Variants in TCEA2 observed in about 807,000 individuals in gnomAD.
TCEA2 encodes the protein transcription elongation factor A protein 2.
In TCEA2, 21 loss-of-function variants were observed where a neutral mutation model predicts 40.8. That is an observed-to-expected ratio of 0.51 (90% CI 0.36 to 0.74). TCEA2 has a LOEUF of 0.74. Ranked by LOEUF, TCEA2 falls within the 30% of genes least tolerant of loss-of-function variation. The pLI, the probability that TCEA2 is intolerant of heterozygous loss-of-function variation, is 0.00. For synonymous variants in TCEA2, 165 were observed against 162.7 expected (o/e 1.01, Z -0.11); for missense variants, 326 against 426.5 (o/e 0.76, Z 2.08).
exon 1 of TCEA2, chr20:64,057,456 G>A: frequency 6.6e-6 from 1 of 152,336 alleles, no homozygotes; most frequent in East Asian, 1.9e-4. Context: ...ATGTGTGCCT[G>A]CGCACAGGGG....
At position 64,067,896 on chromosome 20, in the gene TCEA2, C is replaced by T. The variant is rs1215555840; in HGVS notation, c.242-151C>T. On this transcript the variant is annotated intron_variant, in intron 3 of 9. Coordinates refer to ENST00000343484, the MANE Select transcript of TCEA2 (RefSeq NM_003195.6). The stretch of plus-strand genomic sequence containing the variant: ...CACAGAGGCTGGGCAGCCTCCTGGC[C>T]CCTGGCTCCCCTGGCTGGGTGAGGG... 1.0e-5 allele frequency: 6 copies of T among 594,672 alleles called. No homozygotes were observed. The Admixed American group carries it at 1.0e-4, about 10-fold the overall frequency. The allele number at this position is 594,672 out of a possible 1,614,324, so 36.8% of individuals were successfully genotyped here. A position where few individuals can be genotyped will look rare whatever the true frequency, so the allele number is the denominator to read the frequency against.
At chr20:64,070,041 GGGGCTGTA>G in intron 6 of TCEA2, 1 of 880,656 alleles carries the variant, frequency 1.1e-6, no homozygotes, top group Non-Finnish European at 1.8e-6. Flanking sequence ...TAGGTCCCCT[GGGGCTGTA>G]GCCTGAAGCT....
At chr20:64,056,592 G>A (rs936945295), upstream of TCEA2, among the ~76,000 whole-genome samples, 1 of 152,152 alleles carries the variant, frequency 6.6e-6, no homozygotes, top group African/African-American at 2.4e-5. Flanking sequence ...AGGAAGCAAG[G>A]GGGGCTCCGT....
chr20:64,070,173 C>T, intron 6 of TCEA2, 87 bp from the exon 7 acceptor site: 1 of 1,570,252 alleles, frequency 6.4e-7, no homozygotes, highest in African/African-American at 1.3e-5. Flanking sequence ...CCTTTCCAGC[C>T]CCCACCCCAA....
At chr20:64,068,706 A>T (rs1292866137) in intron 4 of TCEA2, among the ~76,000 whole-genome samples, 1 of 152,266 alleles carries the variant, frequency 6.6e-6, no homozygotes, top group African/African-American at 2.4e-5. Context: ...CCAGGAGCTC[A>T]GGGACACCTT....
At chr20:64,068,563 G>T (rs977677750) in intron 4 of TCEA2, among the ~76,000 whole-genome samples, 1 of 152,240 alleles carries the variant, frequency 6.6e-6, no homozygotes, top group African/African-American at 2.4e-5. Flanking sequence ...GCATGTGCAC[G>T]TGTGGTCACT....
At position 64,072,192 on chromosome 20, in the gene TCEA2, G is replaced by C. The variant is rs367878900; in HGVS notation, c.*12G>C. The stretch of plus-strand genomic sequence containing the variant: ...CGCAGTTCTGCTGACCCCTCGTGTA[G>C]ATGTGCTGCAGCCTTGGGCCCTCCC... On this transcript the variant is annotated 3_prime_UTR_variant, in exon 10 of 10. Transcript: ENST00000343484. The C allele has an allele frequency of 1.2e-6, 2 of 1,613,240 alleles. No homozygotes were observed. The highest frequency in any genetic ancestry group is 1.7e-6 in the Non-Finnish European group (2 of 1,179,584).
Position 64,058,175 on chromosome 20 carries a change from A to G in TCEA2, c.-84+524A>G, listed in dbSNP as rs957130740. On this transcript the variant is annotated intron_variant, in intron 1 of 10. Coordinates refer to the TCEA2 transcript ENST00000361317. The surrounding 1 kb of genome is among the most constrained non-coding windows in gnomAD (Gnocchi z 6.7). ...TCAGAGGCACCCGACCTCTTCTGCT[A>G]ACCCCCTTCCCTGCCTGTCCCGTCC... Among the ~76,000 whole-genome samples, 1 of 152,118 alleles carries G rather than the reference A, an allele frequency of 6.6e-6. No homozygotes were observed. Among genetic ancestry groups the G allele is most frequent in the Admixed American group, 6.5e-5 (1 of 15,270 alleles).
At chr20:64,059,331 GC>G (rs1479154806), upstream of TCEA2, among the ~76,000 whole-genome samples, 2 of 151,660 alleles carry the variant, frequency 1.3e-5, no homozygotes, top group Admixed American at 6.6e-5. Context: ...TTGCCCGACC[GC>G]CCCCCACCAG....
chr20:64,066,001 G>A lies in TCEA2; in HGVS notation c.73-475G>A, dbSNP rs190937151. On this transcript the variant is annotated intron_variant, in intron 1 of 9. Transcript: ENST00000343484. The stretch of plus-strand genomic sequence containing the variant: ...CCTTCACAGCTGGTGGGCGGGGGGT[G>A]CTTTGGGGAGAGGCTGCCCTGCGCA... 1.1e-4 allele frequency: 12 copies of A among 113,466 alleles called. No homozygotes were observed. The East Asian group carries it at 2.9e-3, about 27-fold the overall frequency. The allele number at this position is 113,466 out of a possible 1,614,324, so 7.0% of individuals were successfully genotyped here.
chr20:64,063,183 G>C (rs919472251), upstream of TCEA2: 42 of 791,222 alleles, frequency 5.3e-5, no homozygotes, highest in Non-Finnish European at 5.7e-5. Flanking sequence ...GGTTTGAACC[G>C]GGGGTCTGTC....
In TCEA2 at chr20:64,069,838, G is replaced by A; in HGVS notation, c.517+17G>A. ...TCGAGGAATATATCCTTTGGGTAGG[G>A]GCTGTGGGCCTGGGTTTCTGGTGGA... On this transcript the variant is annotated intron_variant, in intron 6 of 9. Coordinates refer to ENST00000343484, the MANE Select transcript of TCEA2 (RefSeq NM_003195.6). 2 of 1,612,328 alleles carry A rather than the reference G, an allele frequency of 1.2e-6. No homozygotes were observed. Among genetic ancestry groups the A allele is most frequent in the Non-Finnish European group, 1.7e-6 (2 of 1,179,980 alleles).
At chr20:64,066,335 A>G (rs534483364) in intron 1 of TCEA2, 141 bp from the exon 2 acceptor site, 7 of 940,882 alleles carry the variant, frequency 7.4e-6, no homozygotes, top group Non-Finnish European at 1.0e-5. Context: ...GTCTCCAGGT[A>G]GAGGAATTTT....
chr20:64,066,551 C>T lies in TCEA2; in HGVS notation c.135+13C>T. The T allele has an allele frequency of 6.2e-7, 1 of 1,612,864 alleles. No individual in the cohort carries two copies. The highest frequency in any genetic ancestry group is 8.5e-7 in the Non-Finnish European group (1 of 1,179,328). On this transcript the variant is annotated intron_variant, in intron 2 of 9. Transcript: ENST00000343484. Reference sequence around the variant, plus strand: ...GCACCTGCTCCAGGTAGGTCCCTGCCTGCCCCAGGTCCAGGACAGCTCCTG... The same window carrying T: ...GCACCTGCTCCAGGTAGGTCCCTGCTTGCCCCAGGTCCAGGACAGCTCCTG...
chr20:64,071,772 A>T (rs1227679406), intron 8 of TCEA2, 98 bp from the exon 9 acceptor site: 64 of 1,422,406 alleles, frequency 4.5e-5, no homozygotes, highest in Non-Finnish European at 6.0e-5. Context: ...CACCTGTGGG[A>T]GCTCAGTGGC....
At chr20:64,069,916 C>T (rs1475878909) in intron 6 of TCEA2, 95 bp downstream of exon 6, 1 of 1,461,084 alleles carries the variant, frequency 6.8e-7, no homozygotes, top group African/African-American at 1.4e-5. Flanking sequence ...ATGCCACTGC[C>T]CAGCTGTCCA....
chr20:64,068,131 C>T lies in TCEA2; in HGVS notation c.326C>T (p.Pro109Leu). The change falls in exon 4 of 10, where the codon CCC becomes CTC. Residue 109 changes from proline to leucine, a missense_variant. Physicochemically the swap from Pro to Leu is moderately conservative, Grantham distance 98. Transcript: ENST00000343484. ...AGGGATGCCTCAGAGGCCCCGGATC[C>T]CAGGTAGCACACCTGGAAGGCAGGT... ...SSRDASEAPD[P>L]SRKRPELPRA... The T allele has an allele frequency of 1.2e-6, 2 of 1,607,208 alleles. No individual in the cohort carries two copies. Among genetic ancestry groups the T allele is most frequent in the Non-Finnish European group, 1.7e-6 (2 of 1,177,392 alleles).
At position 64,069,399 on chromosome 20, in the gene TCEA2, C is replaced by A. The variant is rs751548571; in HGVS notation, c.368C>A (p.Pro123Gln). ...GAGCTGCCCAGGGCACCGTCGACTC[C>A]GAGGATCACCACATTTCCTCCGGTG... is the stretch of plus-strand genomic sequence containing the variant. ...RPELPRAPST[P>Q]RITTFPPVPV... The change falls in exon 5 of 10, where the codon CCG (proline) becomes CAG (glutamine). Residue 123 changes from proline to glutamine, a missense_variant. Pro to Gln is a moderately conservative substitution (Grantham distance 76). Transcript: ENST00000343484. 22 of 1,610,050 alleles carry A rather than the reference C, an allele frequency of 1.4e-5. No homozygotes were observed. The highest frequency in any genetic ancestry group is 1.9e-5 in the Non-Finnish European group (22 of 1,178,566).
chr20:64,070,705 C>T, intron 8 of TCEA2, 70 bp downstream of exon 8: 5 of 1,457,968 alleles, frequency 3.4e-6, no homozygotes, highest in South Asian at 1.4e-5. Context: ...TCCTTGGAGC[C>T]CATGCCTATT....
Sources: gnomAD v4.1 joint callset for allele counts (sites outside exome capture counted in the v4.1 genomes callset) on GRCh38, gnomAD v4.1.1 for gene constraint, Gnocchi (gnomAD v3.1) non-coding constraint, MANE v1.5 for transcripts, NCBI Gene and HGNC (gene_info 2026-07-23, HGNC 2026-07-21) for gene names.